Variants in SLC41A2 observed in about 807,000 individuals in gnomAD.
SLC41A2 encodes the protein SLC41A1-like 1.
Under a neutral mutation model 58.3 loss-of-function variants are expected in SLC41A2, and 32 were observed. The ratio of observed to expected loss-of-function variants is 0.55; its 90% CI spans 0.41 to 0.74. The LOEUF (loss-of-function observed/expected upper bound fraction) is 0.74. Ranked by LOEUF, SLC41A2 falls within the 30% of genes least tolerant of loss-of-function variation. The pLI is 0.00. For missense variants in SLC41A2, 514 were observed against 680.6 expected (o/e 0.76, Z 2.72); for synonymous variants, 190 against 235.0 (o/e 0.81, Z 1.75).
chr12:104,852,893 A>C (rs1233134751), intron 8 of SLC41A2, among the ~76,000 whole-genome samples: 1 of 152,206 alleles, frequency 6.6e-6, no homozygotes, highest in Non-Finnish European at 1.5e-5. Flanking sequence ...TTTCTACTAA[A>C]AGCTAGTCTG....
chr12:104,805,874 TATAG>T (rs1283334614), intron 10 of SLC41A2, among the ~76,000 whole-genome samples: 1 of 152,160 alleles, frequency 6.6e-6, no homozygotes, highest in African/African-American at 2.4e-5. Flanking sequence ...TCTATGTAGT[TATAG>T]ATAGATATAT....
intron 10 of SLC41A2, among the ~76,000 whole-genome samples, chr12:104,827,133 G>A (rs2041873816): frequency 6.6e-6 from 1 of 152,194 alleles, no homozygotes; most frequent in African/African-American, 2.4e-5. Context: ...TGCCTTCCTG[G>A]AGCGGCTAAG....
intron 6 of SLC41A2, among the ~76,000 whole-genome samples, chr12:104,866,827 A>C (rs903417421): frequency 1.3e-5 from 2 of 152,148 alleles, no homozygotes; most frequent in Admixed American, 6.5e-5. Flanking sequence ...CTACATGAAA[A>C]TAGCATAATA....
chr12:104,856,535 T>C (rs928533312), intron 8 of SLC41A2, among the ~76,000 whole-genome samples: 1 of 151,986 alleles, frequency 6.6e-6, no homozygotes, highest in African/African-American at 2.4e-5. Flanking sequence ...CAGAGCACTA[T>C]GGGAAAGGTG....
chr12:104,914,324 C>A (rs1236978842), intron 2 of SLC41A2, among the ~76,000 whole-genome samples: 2 of 152,106 alleles, frequency 1.3e-5, no homozygotes, highest in Non-Finnish European at 1.5e-5. Context: ...TTTTTTACAA[C>A]CATAATTATT....
intron 1 of SLC41A2, among the ~76,000 whole-genome samples, chr12:104,944,239 T>G (rs962216620): frequency 6.6e-5 from 10 of 152,346 alleles, no homozygotes; most frequent in Non-Finnish European, 7.3e-5. Context: ...TGCCATGAAC[T>G]GGTGGCACTG....
intron 10 of SLC41A2, among the ~76,000 whole-genome samples, chr12:104,815,440 TTAAA>T (rs1268241915): frequency 1.3e-5 from 2 of 152,162 alleles, no homozygotes; most frequent in East Asian, 3.8e-4. Flanking sequence ...TTCTTGGAAT[TTAAA>T]TAAATATATA....
intron 6 of SLC41A2, among the ~76,000 whole-genome samples, chr12:104,875,714 G>C (rs576493641): frequency 6.6e-6 from 1 of 152,260 alleles, no homozygotes; most frequent in African/African-American, 2.4e-5. Context: ...GACTGCTTGA[G>C]CCAAGGAGTT....
At chr12:104,807,391 T>C (rs556651657) in intron 10 of SLC41A2, among the ~76,000 whole-genome samples, 2 of 152,348 alleles carry the variant, frequency 1.3e-5, no homozygotes, top group African/African-American at 4.8e-5. Context: ...TGTGGCATTA[T>C]TTCTGAGGGC....
At chr12:104,892,310 AT>A (rs1565879439) in intron 4 of SLC41A2, among the ~76,000 whole-genome samples, 3,552 of 136,354 alleles carry the variant, frequency 0.026, 236 homozygotes, top group East Asian at 0.055. Context: ...AAAAAATAAA[AT>A]AAAATAAAAT....
chr12:104,890,824 A>G (rs1293081641), intron 4 of SLC41A2, among the ~76,000 whole-genome samples: 1 of 152,208 alleles, frequency 6.6e-6, no homozygotes, highest in African/African-American at 2.4e-5. Flanking sequence ...CATTCTGTAC[A>G]ATCGTGAAGA....
chr12:104,931,172 C>A (rs187197087), intron 1 of SLC41A2, among the ~76,000 whole-genome samples: 187 of 152,326 alleles, frequency 1.2e-3, no homozygotes, highest in Non-Finnish European at 2.3e-3. Flanking sequence ...ACACATCAGA[C>A]TAGGCAGTTG....
intron 8 of SLC41A2, among the ~76,000 whole-genome samples, chr12:104,847,636 A>G (rs1193324084): frequency 6.6e-6 from 1 of 151,708 alleles, no homozygotes; most frequent in Non-Finnish European, 1.5e-5. Flanking sequence ...AAGTCCTCAA[A>G]ATACATCAAG....
In SLC41A2 at chr12:104,904,772, C is replaced by T. The variant is rs183718335; in HGVS notation, c.663+4883G>A. On this transcript the variant is annotated intron_variant, in intron 3 of 10. Coordinates refer to ENST00000258538, the MANE Select transcript of SLC41A2 (RefSeq NM_001352171.3). Reference sequence around the variant, plus strand: ...ATCGCGTCTGGAGTTGTTCGTTCCTCCTGGTGGGCTCGTGGTCTCGCTGGG... The same window carrying T: ...ATCGCGTCTGGAGTTGTTCGTTCCTTCTGGTGGGCTCGTGGTCTCGCTGGG... 4.6e-5 allele frequency among the ~76,000 whole-genome samples: 7 copies of T among 151,428 alleles called. No individual in the cohort carries two copies. In the South Asian group the frequency reaches 8.4e-4, roughly 18 times the overall value.
At chr12:104,816,509 G>A (rs1362579475) in intron 10 of SLC41A2, among the ~76,000 whole-genome samples, 1 of 152,182 alleles carries the variant, frequency 6.6e-6, no homozygotes, top group East Asian at 1.9e-4. Context: ...CAGGGGACAT[G>A]GAGGCATCCT....
intron 3 of SLC41A2, among the ~76,000 whole-genome samples, chr12:104,908,129 G>A (rs1181965408): frequency 6.6e-6 from 1 of 152,082 alleles, no homozygotes; most frequent in African/African-American, 2.4e-5. Flanking sequence ...ACTGGGCATG[G>A]TGGTGCATGA....
chr12:104,945,819 T>C (rs903234201), intron 1 of SLC41A2, among the ~76,000 whole-genome samples: 2 of 152,224 alleles, frequency 1.3e-5, no homozygotes, highest in South Asian at 2.1e-4. Flanking sequence ...CATTTTTTCA[T>C]AGCCATAATT....
intron 10 of SLC41A2, among the ~76,000 whole-genome samples, chr12:104,840,614 T>TCAAGAA (rs2042377202): frequency 6.6e-6 from 1 of 152,228 alleles, no homozygotes; most frequent in Non-Finnish European, 1.5e-5. Context: ...GTCTAGCTAC[T>TCAAGAA]CTGATTGCTC....
Position 104,844,582 on chromosome 12 carries a change from C to T in SLC41A2, c.1426G>A (p.Val476Met). Residue 476 changes from valine to methionine, a missense_variant, in exon 10 of 11, where the codon GTG (valine) becomes ATG (methionine). Physicochemically the swap from Val to Met is conservative, Grantham distance 21. This residue lies in a region of SLC41A2 where 128 missense variants were observed against 146.0 expected (regional missense o/e 0.88). Coordinates refer to ENST00000258538, the MANE Select transcript of SLC41A2 (RefSeq NM_001352171.3). ...NKSAQVLLLL[V>M]IPGHLIFLYT... ...AGGAAAATTAAATGTCCAGGAATCA[C>T]TAAAAGCAGTAGAACTTGAGCAGAC... The T allele has an allele frequency of 6.4e-7, 1 of 1,562,896 alleles. No homozygotes were observed. Among genetic ancestry groups the T allele is most frequent in the East Asian group, 2.3e-5 (1 of 42,896 alleles).
Sources: allele counts gnomAD v4.1 joint callset (sites outside exome capture counted in the v4.1 genomes callset), GRCh38; gene constraint gnomAD v4.1.1; regional missense constraint gnomAD v4.1.1; transcripts MANE v1.5; gene names NCBI Gene and HGNC (gene_info 2026-07-23, HGNC 2026-07-21).